The following RBFOX1 variants were observed in gnomAD, a reference collection of about 807,000 sequenced individuals.
RBFOX1 encodes the protein RNA binding protein fox-1 homolog 1.
Under a neutral mutation model 57.7 loss-of-function variants are expected in RBFOX1, and 8 were observed. The observed-to-expected ratio is 0.14, with a 90% CI of 0.08 to 0.25. The LOEUF is 0.25. Among genes scored for constraint, RBFOX1 ranks in the 10% least tolerant of loss-of-function variants. RBFOX1 has a pLI of 1.00. For synonymous variants in RBFOX1, 326 were observed against 222.4 expected (o/e 1.47, Z -4.15); for missense variants, 611 against 548.5 (o/e 1.11, Z -1.14).
chr16:5,467,192 CTCTCTT>C, intron 1 of RBFOX1: 1 of 1,463,820 alleles, frequency 6.8e-7, no homozygotes. Context: ...CTCTCTCTCT[CTCTCTT>C]TTTTTTTTTT....
intron 4 of RBFOX1, among the ~76,000 whole-genome samples, chr16:5,996,217 C>T (rs913257560): frequency 6.6e-6 from 1 of 152,114 alleles, no homozygotes; most frequent in African/African-American, 2.4e-5. Flanking sequence ...AAACAGTGGT[C>T]ATTTTCCACG....
chr16:6,774,959 A>C (rs1034193756), intron 3 of RBFOX1, among the ~76,000 whole-genome samples: 1 of 152,028 alleles, frequency 6.6e-6, no homozygotes, highest in Admixed American at 6.6e-5. Context: ...CCCTAATCTC[A>C]TCTCCTCTTT....
At chr16:6,154,523 G>A (rs2152731207) in intron 1 of RBFOX1, among the ~76,000 whole-genome samples, 1 of 152,254 alleles carries the variant, frequency 6.6e-6, no homozygotes, top group East Asian at 1.9e-4. Context: ...AGGTAAGGTA[G>A]GAATAAGGAT....
At chr16:7,000,586 C>CTTTTTTTTTTTTTTTTTTTTTTT (rs149516490) in intron 3 of RBFOX1, among the ~76,000 whole-genome samples, 2 of 95,846 alleles carry the variant, frequency 2.1e-5, no homozygotes, top group African/African-American at 6.8e-5. Context: ...TTTTTTCTTT[C>CTTTTTTTTTTTTTTTTTTTTTTT]TTTTTCTTTC....
At chr16:7,671,100 G>A (rs1051064794) in intron 13 of RBFOX1, among the ~76,000 whole-genome samples, 1 of 152,074 alleles carries the variant, frequency 6.6e-6, no homozygotes, top group Non-Finnish European at 1.5e-5. Flanking sequence ...AATTTAACAA[G>A]TAAAGGCATT....
intron 3 of RBFOX1, among the ~76,000 whole-genome samples, chr16:6,780,488 T>A (rs868851562): frequency 2.3e-4 from 21 of 91,356 alleles, no homozygotes; most frequent in East Asian, 1.1e-3. Context: ...TTATATATAT[T>A]TATATACATT....
At chr16:6,505,656 TG>T (rs1446704911) in intron 2 of RBFOX1, among the ~76,000 whole-genome samples, 1 of 152,150 alleles carries the variant, frequency 6.6e-6, no homozygotes, top group Non-Finnish European at 1.5e-5. Flanking sequence ...CTCATTTAAA[TG>T]GACAGAGAAA....
intron 1 of RBFOX1, among the ~76,000 whole-genome samples, chr16:6,270,759 A>G (rs566550904): frequency 6.6e-6 from 1 of 152,352 alleles, no homozygotes; most frequent in South Asian, 2.1e-4. Flanking sequence ...TCCCAATGAC[A>G]GCAGAAGGCG....
chr16:5,569,827 G>C (rs902971904), intron 2 of RBFOX1, among the ~76,000 whole-genome samples: 12 of 152,018 alleles, frequency 7.9e-5, no homozygotes, highest in Non-Finnish European at 1.5e-5. Context: ...TTCCTTTCTT[G>C]ACATGGTCTT....
Position 7,484,784 on chromosome 16 carries a change from C to G in RBFOX1, c.28-33363C>G, listed in dbSNP as rs137961916. Among the ~76,000 whole-genome samples, 515 of 152,282 alleles carry G rather than the reference C, an allele frequency of 3.4e-3. 2 individuals carry two copies. The highest frequency in any genetic ancestry group is 0.012 in the African/African-American group (497 of 41,550). ...TGGCTGGCATTGGGTATTTTTCGCA[C>G]AGCTCCCAGATGTTTATATTGTTAT... On this transcript the variant is annotated intron_variant, in intron 4 of 15. Transcript: ENST00000550418.
chr16:5,565,627 CATAAATAAATAA>C lies in RBFOX1; in HGVS notation c.259-33242_259-33231del, dbSNP rs55680549. On this transcript the variant is annotated intron_variant, in intron 2 of 2. Coordinates refer to the RBFOX1 transcript ENST00000585867. Reference sequence around the variant, plus strand: ...GCAATAAGAGCGAAACTCTGCCTTACATAAATAAATAAATAAATAAATAAATAAATAAATAAA... The same window carrying C: ...GCAATAAGAGCGAAACTCTGCCTTACATAAATAAATAAATAAATAAATAAA... 4.2e-3 allele frequency among the ~76,000 whole-genome samples: 605 copies of C among 142,834 alleles called. 2 individuals carry two copies. Among genetic ancestry groups the C allele is most frequent in the African/African-American group, 0.012 (465 of 38,684 alleles). 93.7% of individuals were successfully genotyped at this position (142,834 alleles called of 152,430 possible).
intron 3 of RBFOX1, among the ~76,000 whole-genome samples, chr16:5,729,380 T>C (rs2052273717): frequency 2.7e-5 from 3 of 111,056 alleles, no homozygotes; most frequent in South Asian, 3.6e-4. Context: ...CACAGCTAGC[T>C]TTTTTTTTTT....
chr16:5,268,047 C>G (rs2062906080), intron 1 of RBFOX1, among the ~76,000 whole-genome samples: 1 of 151,954 alleles, frequency 6.6e-6, no homozygotes, highest in Admixed American at 6.6e-5. Flanking sequence ...CCGCTGCATT[C>G]CAGCCTGGGA....
intron 3 of RBFOX1, among the ~76,000 whole-genome samples, chr16:5,662,418 T>C (rs1461612095): frequency 6.6e-6 from 1 of 152,084 alleles, no homozygotes; most frequent in Non-Finnish European, 1.5e-5. Flanking sequence ...AGTGCCAATA[T>C]CATCACTTTC....
At chr16:7,341,532 T>C (rs2096890418) in intron 4 of RBFOX1, among the ~76,000 whole-genome samples, 1 of 152,142 alleles carries the variant, frequency 6.6e-6, no homozygotes, top group African/African-American at 2.4e-5. Context: ...GATAGAACTC[T>C]TGAGTCTCCA....
At chr16:7,202,988 G>C (rs551632132) in intron 4 of RBFOX1, among the ~76,000 whole-genome samples, 1 of 152,070 alleles carries the variant, frequency 6.6e-6, no homozygotes, top group Non-Finnish European at 1.5e-5. Flanking sequence ...GGATTTCACC[G>C]TGTGAGCCAG....
intron 2 of RBFOX1, among the ~76,000 whole-genome samples, chr16:6,447,348 C>T (rs2094504641): frequency 6.6e-6 from 1 of 152,142 alleles, no homozygotes; most frequent in Admixed American, 6.5e-5. Context: ...CCTAACAGAT[C>T]CCTCAAGACC....
intron 4 of RBFOX1, among the ~76,000 whole-genome samples, chr16:7,159,026 C>A (rs2077729275): frequency 6.6e-6 from 1 of 151,936 alleles, no homozygotes; most frequent in South Asian, 2.1e-4. Flanking sequence ...TCACCCCTAC[C>A]CCCGTCCCTA....
At chr16:7,145,650 G>A (rs371792580) in intron 4 of RBFOX1, among the ~76,000 whole-genome samples, 1 of 152,002 alleles carries the variant, frequency 6.6e-6, no homozygotes, top group Non-Finnish European at 1.5e-5. Flanking sequence ...TCATTTTCTG[G>A]GTGTTTAATA....
Sources: gnomAD v4.1 joint callset for allele counts (sites outside exome capture counted in the v4.1 genomes callset) on GRCh38, gnomAD v4.1.1 for gene constraint, MANE v1.5 for transcripts, NCBI Gene and HGNC (gene_info 2026-07-23, HGNC 2026-07-21) for gene names.